PCDHGA1: variants seen among roughly 807,000 people sequenced by gnomAD.
The protein encoded by PCDHGA1 is protocadherin gamma-A1.
Under a neutral mutation model 58.0 loss-of-function variants are expected in PCDHGA1, and 32 were observed. That is an observed-to-expected ratio of 0.55 (90% CI 0.42 to 0.74). PCDHGA1 has a LOEUF of 0.74. Among genes scored for constraint, PCDHGA1 ranks in the 30% least tolerant of loss-of-function variants. The probability of loss-of-function intolerance (pLI) is 0.00; values close to 1 mark genes in which losing one functional copy is unlikely to be tolerated. For synonymous variants in PCDHGA1, 498 were observed against 501.1 expected, an observed-to-expected ratio of 0.99 and a Z score of 0.08; for missense variants, 1,205 against 1,182.3, an observed-to-expected ratio of 1.02 and a Z score of -0.28.
intron 1 of PCDHGA1, chr5:141,408,083 C>A: frequency 7.1e-7 from 1 of 1,414,576 alleles, no homozygotes; most frequent in Non-Finnish European, 9.3e-7. Flanking sequence ...CCCAGCACAG[C>A]GGATTGCCAG....
intron 1 of PCDHGA1, chr5:141,394,701 C>A (rs375281416): frequency 5.0e-6 from 8 of 1,613,162 alleles, no homozygotes; most frequent in Non-Finnish European, 6.8e-6. Flanking sequence ...GCGCACGGCG[C>A]GAGCCCTGCT....
Position 141,485,495 on chromosome 5 carries a change from T to C in PCDHGA1, c.2422-9312T>C. 1 of 1,613,494 alleles carries C rather than the reference T, an allele frequency of 6.2e-7. No homozygotes were observed. Among genetic ancestry groups the C allele is most frequent in the African/African-American group, 1.3e-5 (1 of 74,780 alleles). On this transcript the variant is annotated intron_variant, in intron 1 of 3. Coordinates refer to ENST00000517417, the MANE Select transcript of PCDHGA1 (RefSeq NM_018912.3). This position sits in a 1 kb window ranked among gnomAD's most constrained non-coding sequence, Gnocchi z 5.7. ...TGCCAGCTGCATCGTGCCCCTGGAG[T>C]TTGTCACCGAAGGTCCTTTGGAAAT...
rs200369157 is a variant in PCDHGA1 at position 141,351,558 on chromosome 5, G to A, written c.2421+18453G>A. The stretch of plus-strand genomic sequence containing the variant: ...AAACCAGCCCTTTCCTCCAGGACAA[G>A]CATCACCCTGCACATCTCCGACATC... On this transcript the variant is annotated intron_variant, in intron 1 of 3. Transcript: ENST00000517417. 931 of 1,614,024 alleles carry A rather than the reference G, an allele frequency of 5.8e-4. 2 individuals carry two copies. The highest frequency in any genetic ancestry group is 8.9e-4 in the South Asian group (81 of 91,082).
chr5:141,423,610 G>GT, intron 1 of PCDHGA1: 1 of 1,611,424 alleles, frequency 6.2e-7, no homozygotes, highest in African/African-American at 1.3e-5. Context: ...ACTCTTGATA[G>GT]CTGAAGACTC....
chr5:141,389,779 A>T (rs779598795), intron 1 of PCDHGA1: 1 of 1,613,298 alleles, frequency 6.2e-7, no homozygotes, highest in South Asian at 1.1e-5. Flanking sequence ...GCCTTAGGCG[A>T]CAGGGACGCC....
At position 141,332,095 on chromosome 5, in the gene PCDHGA1, ATCT is replaced by A; in HGVS notation, c.1415_1417del (p.Phe472del). ...CGAAAACAACCCCAGAGGAGCCTCC[ATCT>A]TCTCTGTGAGGGCCCACGACTTGGA... On this transcript the variant is annotated inframe_deletion, in exon 1 of 4. Transcript: ENST00000517417. The surrounding 1 kb of genome is among the most constrained non-coding windows in gnomAD (Gnocchi z 4.6). 1 of 1,614,080 alleles carries A rather than the reference ATCT, an allele frequency of 6.2e-7. No homozygotes were observed. Among genetic ancestry groups the A allele is most frequent in the East Asian group, 2.2e-5 (1 of 44,874 alleles).
chr5:141,376,780 G>A (rs1466188950), intron 1 of PCDHGA1: 2 of 383,610 alleles, frequency 5.2e-6, no homozygotes, highest in African/African-American at 2.2e-5. Flanking sequence ...TCCGCTTCCC[G>A]GGTTCACGCC....
chr5:141,454,564 G>A (rs896426143), intron 1 of PCDHGA1, among the ~76,000 whole-genome samples: 1 of 151,874 alleles, frequency 6.6e-6, no homozygotes, highest in Non-Finnish European at 1.5e-5. Context: ...GTGCCACCAC[G>A]CCCGGCTAAT....
intron 1 of PCDHGA1, chr5:141,361,514 A>T (rs765118611): frequency 6.8e-6 from 11 of 1,614,028 alleles, no homozygotes; most frequent in Non-Finnish European, 9.3e-6. Context: ...TACATGGTTC[A>T]CGTGGCAGAG....
Position 141,409,599 on chromosome 5 carries a change from C to A in PCDHGA1, c.2421+76494C>A, listed in dbSNP as rs753753955. The A allele has an allele frequency of 9.9e-6, 16 of 1,613,822 alleles. No individual in the cohort carries two copies. The Admixed American group carries it at 2.2e-4, about 22-fold the overall frequency. ...GTGGTCCACGTGGCCGAGAACAACC[C>A]GCCAGGAGCCTCCATTGCGCAAGTG... On this transcript the variant is annotated intron_variant, in intron 1 of 3. Transcript: ENST00000517417.
Position 141,410,849 on chromosome 5 carries a change from C to CTTTTTTTTT in PCDHGA1, c.2421+77758_2421+77766dup, listed in dbSNP as rs759346998. 1.7e-3 allele frequency: 239 copies of CTTTTTTTTT among 138,144 alleles called. 16 individuals are homozygous for CTTTTTTTTT. Among genetic ancestry groups the CTTTTTTTTT allele is most frequent in the African/African-American group, 4.5e-3 (75 of 16,616 alleles). 8.6% of individuals were successfully genotyped at this position (138,144 alleles called of 1,614,324 possible). On this transcript the variant is annotated intron_variant, in intron 1 of 3. Coordinates refer to ENST00000517417, the MANE Select transcript of PCDHGA1 (RefSeq NM_018912.3). ...CAGACTGAAGATATTTTGTCTTTGT[C>CTTTTTTTTT]TTTTTTTTTTTTTTTTTTTTTTGAG...
At chr5:141,458,318 A>T (rs1420197662) in intron 1 of PCDHGA1, among the ~76,000 whole-genome samples, 1 of 152,128 alleles carries the variant, frequency 6.6e-6, no homozygotes, top group Non-Finnish European at 1.5e-5. Context: ...ACACAGACAC[A>T]TGTGGAGTGG....
intron 2 of PCDHGA1, among the ~76,000 whole-genome samples, chr5:141,500,881 T>G (rs940387787): frequency 1.0e-5 from 1 of 99,136 alleles, no homozygotes; most frequent in Non-Finnish European, 1.9e-5. Context: ...TTTACAATTT[T>G]TTTTTTTTGA....
chr5:141,441,692 G>A (rs1165171238), intron 1 of PCDHGA1: 2 of 301,376 alleles, frequency 6.6e-6, no homozygotes, highest in Non-Finnish European at 1.3e-5. Context: ...AAGAGCAGCC[G>A]CGAGCCTTCA....
At position 141,366,659 on chromosome 5, in the gene PCDHGA1, G is replaced by A. The variant is rs757940050; in HGVS notation, c.2421+33554G>A. The A allele has an allele frequency of 1.1e-5, 17 of 1,614,250 alleles. No homozygotes were observed. The Admixed American group carries it at 1.5e-4, about 14-fold the overall frequency. On this transcript the variant is annotated intron_variant, in intron 1 of 3. Coordinates refer to ENST00000517417, the MANE Select transcript of PCDHGA1 (RefSeq NM_018912.3). The stretch of plus-strand genomic sequence containing the variant: ...GATCTTTCCCCAGCCCAACTACGCA[G>A]ACACGCTCCTTAGTGAAGAGAGCTG...
chr5:141,359,297 G>A (rs1299334892), intron 1 of PCDHGA1, among the ~76,000 whole-genome samples: 3 of 152,098 alleles, frequency 2.0e-5, no homozygotes, highest in Admixed American at 6.5e-5. Context: ...ACTGTGTCAA[G>A]CATATTCAGG....
Position 141,420,255 on chromosome 5 carries a change from A to T in PCDHGA1, c.2422-74552A>T, listed in dbSNP as rs917458059. The T allele has an allele frequency of 2.5e-6, 4 of 1,569,630 alleles. No homozygotes were observed. The highest frequency in any genetic ancestry group is 1.4e-5 in the African/African-American group (1 of 73,152). On this transcript the variant is annotated intron_variant, in intron 1 of 3. Coordinates refer to ENST00000517417, the MANE Select transcript of PCDHGA1 (RefSeq NM_018912.3). ...ATTTTAACTCCCAGCGTTGAAGCAG[A>T]TAAGAAGATTCTTAAACAGGTAAGT...
chr5:141,496,192 C>T (rs942276204), intron 2 of PCDHGA1, among the ~76,000 whole-genome samples: 1 of 152,098 alleles, frequency 6.6e-6, no homozygotes, highest in Non-Finnish European at 1.5e-5. Flanking sequence ...CCCAGCTGCT[C>T]ATTTCAATCT....
Position 141,432,880 on chromosome 5 carries a change from C to T in PCDHGA1, c.2422-61927C>T, listed in dbSNP as rs865848752. ...CGGTCTCCTGCGTCTTCCTGGCCTT[C>T]GTCATCTTGCTGCTGGCGCTCAGGC... On this transcript the variant is annotated intron_variant, in intron 1 of 3. Transcript: ENST00000517417. The surrounding 1 kb of genome is among the most constrained non-coding windows in gnomAD (Gnocchi z 6.0). 1 of 1,614,194 alleles carries T rather than the reference C, an allele frequency of 6.2e-7. No individual in the cohort carries two copies. Among genetic ancestry groups the T allele is most frequent in the Non-Finnish European group, 8.5e-7 (1 of 1,180,008 alleles).
Sources: allele counts gnomAD v4.1 joint callset (sites outside exome capture counted in the v4.1 genomes callset), GRCh38; gene constraint gnomAD v4.1.1; non-coding constraint Gnocchi (gnomAD v3.1); transcripts MANE v1.5; gene names NCBI Gene and HGNC (gene_info 2026-07-23, HGNC 2026-07-21).